The following DNMT3A variants were observed in gnomAD, a reference collection of about 807,000 sequenced individuals.
The protein encoded by DNMT3A is DNA (cytosine-5)-methyltransferase 3A.
In DNMT3A, 267 loss-of-function variants were observed where a neutral mutation model predicts 117.6. That is an observed-to-expected ratio of 2.27 (90% CI 2.05 to 2.51). The LOEUF (loss-of-function observed/expected upper bound fraction) is 2.51, where lower values mean the gene tolerates loss of function less well. DNMT3A is among the 30% of genes most tolerant of loss of function. DNMT3A has a pLI of 0.00. For missense variants in DNMT3A, 1,029 were observed against 1,260.2 expected (o/e 0.82, Z 2.78); for synonymous variants, 432 against 474.8 (o/e 0.91, Z 1.17).
intron 6 of DNMT3A, among the ~76,000 whole-genome samples, chr2:25,273,388 C>T (rs1460030421): frequency 2.0e-5 from 3 of 152,078 alleles, no homozygotes; most frequent in Non-Finnish European, 2.9e-5. Context: ...TGTAAGCCAC[C>T]GCGCCTGGCC....
chr2:25,246,110 C>T, intron 11 of DNMT3A, 46 bp from the exon 12 acceptor site: 5 of 1,614,214 alleles, frequency 3.1e-6, no homozygotes. Flanking sequence ...GCGCCTGCTC[C>T]TCGGATGCAG....
chr2:25,302,333 G>T (rs1168545079), intron 2 of DNMT3A, among the ~76,000 whole-genome samples: 1 of 152,176 alleles, frequency 6.6e-6, no homozygotes, highest in Non-Finnish European at 1.5e-5. Context: ...GGGTCAGAAT[G>T]GCTGACCTTC....
chr2:25,241,444 G>C (rs1674013535), intron 17 of DNMT3A, 118 bp downstream of exon 17: 1 of 1,359,082 alleles, frequency 7.4e-7, no homozygotes, highest in Admixed American at 2.4e-5. Context: ...AAAGAGGCTG[G>C]GGCAAAGGGT....
chr2:25,287,107 C>T (rs2149386457), intron 3 of DNMT3A, among the ~76,000 whole-genome samples: 1 of 152,342 alleles, frequency 6.6e-6, no homozygotes, highest in Non-Finnish European at 1.5e-5. Flanking sequence ...GCTGCCATGT[C>T]TGTTAAACAA....
At chr2:25,316,800 C>T (rs1377653796) in intron 1 of DNMT3A, among the ~76,000 whole-genome samples, 1 of 152,212 alleles carries the variant, frequency 6.6e-6, no homozygotes, top group East Asian at 1.9e-4. Flanking sequence ...ACCAAAAAAC[C>T]CTTGCCAAGA....
rs370715766 is a variant in DNMT3A, at chr2:25,244,379, G to C, written c.1668-41C>G. On this transcript the variant is annotated intron_variant, in intron 14 of 22. Coordinates refer to ENST00000321117, the MANE Select transcript of DNMT3A (RefSeq NM_022552.5). ...GTGAGCAGAGGAGACTCTCAGCCCTGGTCCGGGGAGGCCAAGGTGTGCTAC... is the reference window on the plus strand; with the variant it reads ...GTGAGCAGAGGAGACTCTCAGCCCTCGTCCGGGGAGGCCAAGGTGTGCTAC... 616 of 1,573,624 alleles carry C rather than the reference G, an allele frequency of 3.9e-4. 1 individual carries two copies. Among genetic ancestry groups the C allele is most frequent in the Non-Finnish European group, 5.1e-4 (595 of 1,158,936 alleles).
rs558250600 is a variant in DNMT3A, at chr2:25,333,411, C to A, written c.-178+8415G>T. On this transcript the variant is annotated intron_variant, in intron 1 of 22. Transcript: ENST00000321117. ...GTGGCGCGATCTCGGCTCACTGCAA[C>A]CTCCACCTCCCGGGTTCAAGTGATT... is the stretch of plus-strand genomic sequence containing the variant. 2.3e-3 allele frequency among the ~76,000 whole-genome samples: 356 copies of A among 152,068 alleles called. 1 individual carries two copies. Among genetic ancestry groups the A allele is most frequent in the African/African-American group, 8.2e-3 (341 of 41,480 alleles).
intron 1 of DNMT3A, among the ~76,000 whole-genome samples, chr2:25,334,238 TG>T (rs1377119602): frequency 2.0e-5 from 3 of 152,148 alleles, no homozygotes; most frequent in Non-Finnish European, 4.4e-5. Context: ...CTGAGCTTCC[TG>T]GGGTAGCAAG....
At position 25,236,004 on chromosome 2, in the gene DNMT3A, C is replaced by G. The variant is rs937972418; in HGVS notation, c.2479-179G>C. ...AGGGCAGGAGCCTCCACAGACCCCA[C>G]AGCCTCACTTTTCTTCCTACTTGGA... is the stretch of plus-strand genomic sequence containing the variant. On this transcript the variant is annotated intron_variant, in intron 21 of 22. Coordinates refer to ENST00000321117, the MANE Select transcript of DNMT3A (RefSeq NM_022552.5). This position sits in a 1 kb window ranked among gnomAD's most constrained non-coding sequence, Gnocchi z 4.5. Among the ~76,000 whole-genome samples the G allele has an allele frequency of 6.6e-6, 1 of 152,122 alleles. No individual in the cohort carries two copies. Among genetic ancestry groups the G allele is most frequent in the Non-Finnish European group, 1.5e-5 (1 of 68,032 alleles).
In DNMT3A at chr2:25,277,051, A is replaced by G. The variant is rs533019491; in HGVS notation, c.449-1508T>C. Among the ~76,000 whole-genome samples the G allele has an allele frequency of 1.3e-4, 19 of 151,976 alleles. No individual in the cohort carries two copies. In the East Asian group the frequency reaches 3.5e-3, roughly 28 times the overall value. On this transcript the variant is annotated intron_variant, in intron 4 of 22. Coordinates refer to ENST00000321117, the MANE Select transcript of DNMT3A (RefSeq NM_022552.5). ...CCCGCTAGCTAGGCCCGGGAGCACC[A>G]GGGGGAGGGAGGCAGGAGGGCCACC...
intron 2 of DNMT3A, among the ~76,000 whole-genome samples, chr2:25,303,657 C>A (rs1242816709): frequency 6.6e-6 from 1 of 152,242 alleles, no homozygotes; most frequent in Non-Finnish European, 1.5e-5. Flanking sequence ...AGAGCCAGGT[C>A]TGAACAACTC....
Position 25,240,656 on chromosome 2 carries a change from A to G in DNMT3A, c.2157T>C (p.Ala719=), listed in dbSNP as rs1466872419. The G allele has an allele frequency of 6.2e-7, 1 of 1,614,230 alleles. No individual in the cohort carries two copies. Residue 719 remains alanine (A), a synonymous_variant, in exon 18 of 23, where the codon GCT becomes GCC. Coordinates refer to ENST00000321117, the MANE Select transcript of DNMT3A (RefSeq NM_022552.5). ...PCNDLSIVNP[A]RKGLYEGTGR... ...GGTACCTACCGTAGAGGCCCTTGCG[A>G]GCAGGGTTGACGATGGAGAGGTCAT...
intron 2 of DNMT3A, among the ~76,000 whole-genome samples, chr2:25,308,541 A>T (rs1457442941): frequency 6.6e-6 from 1 of 152,134 alleles, no homozygotes; most frequent in Non-Finnish European, 1.5e-5. Context: ...CAAACCTGCT[A>T]AGCACGCCCA....
chr2:25,341,139 C>G (rs1443873563), intron 1 of DNMT3A, among the ~76,000 whole-genome samples: 1 of 145,510 alleles, frequency 6.9e-6, no homozygotes, highest in Non-Finnish European at 1.5e-5. Context: ...GGCCCGGCCC[C>G]GCCATCACCC....
chr2:25,288,917 T>C (rs1047150279), intron 3 of DNMT3A, among the ~76,000 whole-genome samples: 5 of 152,158 alleles, frequency 3.3e-5, no homozygotes, highest in African/African-American at 1.2e-4. Context: ...TGTGGACAGC[T>C]GCTGGCCCAG....
rs2035474708 is a variant in DNMT3A at position 25,341,850 on chromosome 2, G to T, written c.-202C>A. On this transcript the variant is annotated 5_prime_UTR_variant, in exon 1 of 23. Transcript: ENST00000321117. ...CCGTATGGCCGGTGGGGTCGGGCCG[G>T]CCCGGCTGCGCGCCCTGGTGCCGCG... is the stretch of plus-strand genomic sequence containing the variant. 1 of 980,456 alleles carries T rather than the reference G, an allele frequency of 1.0e-6. No individual in the cohort carries two copies. The highest frequency in any genetic ancestry group is 1.8e-5 in the African/African-American group (1 of 56,648). The allele number at this position is 980,456 out of a possible 1,614,324, so 60.7% of individuals were successfully genotyped here. A position where few individuals can be genotyped will look rare whatever the true frequency, so the allele number is the denominator to read the frequency against.
At position 25,228,656 on chromosome 2, in the gene DNMT3A, C is replaced by G. The variant is rs1158834667; in HGVS notation, c.*5623G>C. 1 of 152,144 alleles carries G rather than the reference C, an allele frequency of 6.6e-6. No homozygotes were observed. The highest frequency in any genetic ancestry group is 1.9e-4 in the East Asian group (1 of 5,200). 9.4% of individuals were successfully genotyped at this position (152,144 alleles called of 1,614,324 possible). On this transcript the variant is annotated 3_prime_UTR_variant, in exon 23 of 23. Transcript: ENST00000321117. ...CTCCACTACAAGAAAACAAAACAAA[C>G]AGTCATTGTCCAGACAGCAGACTTA...
chr2:25,263,906 A>G (rs1258471860), intron 6 of DNMT3A, among the ~76,000 whole-genome samples: 3 of 152,306 alleles, frequency 2.0e-5, no homozygotes, highest in Non-Finnish European at 1.5e-5. Context: ...TTGCTTGCAC[A>G]GTCCTTCCCT....
At chr2:25,314,223 C>CA in intron 1 of DNMT3A, 62 bp from the exon 2 acceptor site, 1 of 1,386,120 alleles carries the variant, frequency 7.2e-7, no homozygotes, top group Non-Finnish European at 9.3e-7. Context: ...GTCAGGCCCT[C>CA]AGCCCAGGGC....
Sources: gnomAD v4.1 joint callset for allele counts (sites outside exome capture counted in the v4.1 genomes callset) on GRCh38, gnomAD v4.1.1 for gene constraint, Gnocchi (gnomAD v3.1) non-coding constraint, MANE v1.5 for transcripts, NCBI Gene and HGNC (gene_info 2026-07-23, HGNC 2026-07-21) for gene names.